The following TSPAN9 variants were observed in gnomAD, a reference collection of about 807,000 sequenced individuals.
The protein encoded by TSPAN9 is tetraspanin-9.
In TSPAN9, 16 loss-of-function variants were observed where a neutral mutation model predicts 31.0. That is an observed-to-expected ratio of 0.52 (90% CI 0.35 to 0.78). The LOEUF is 0.78. Among genes scored for constraint, TSPAN9 ranks in the 30% least tolerant of loss-of-function variants. The probability of loss-of-function intolerance (pLI) is 0.01; values close to 1 mark genes in which losing one functional copy is unlikely to be tolerated. For synonymous variants in TSPAN9, 145 were observed against 121.6 expected, an observed-to-expected ratio of 1.19 and a Z score of -1.27; for missense variants, 272 against 312.5, an observed-to-expected ratio of 0.87 and a Z score of 0.98.
chr12:3,260,586 G>A (rs947580279), intron 3 of TSPAN9, among the ~76,000 whole-genome samples: 20 of 152,230 alleles, frequency 1.3e-4, no homozygotes, highest in African/African-American at 4.8e-4. Flanking sequence ...TCTACGCGAG[G>A]CACCGTAGGA....
At chr12:3,278,859 T>G (rs1862844764) in intron 4 of TSPAN9, 133 bp from the exon 5 acceptor site, 1 of 1,020,556 alleles carries the variant, frequency 9.8e-7, no homozygotes. Flanking sequence ...TATCTGGGTT[T>G]CCTCAGGAGG....
chr12:3,110,760 G>A (rs1472721906), intron 2 of TSPAN9, among the ~76,000 whole-genome samples: 1 of 152,204 alleles, frequency 6.6e-6, no homozygotes, highest in African/African-American at 2.4e-5. Flanking sequence ...TGATGTGCCA[G>A]TCATTTACTG....
chr12:3,174,878 G>T (rs185359100), intron 2 of TSPAN9, among the ~76,000 whole-genome samples: 2 of 152,212 alleles, frequency 1.3e-5, no homozygotes, highest in African/African-American at 4.8e-5. Flanking sequence ...CACCGCACCC[G>T]GCCTCAGCTG....
At position 3,118,259 on chromosome 12, in the gene TSPAN9, T is replaced by TG. The variant is rs1260775334; in HGVS notation, c.-18+34540_-18+34541insG. The stretch of plus-strand genomic sequence containing the variant: ...CCGCACCGCCCCTGCACCCGCCGTT[T>TG]TTTTTTTTTTTTTTTTTTTTTGAGA... On this transcript the variant is annotated intron_variant, in intron 2 of 8. Coordinates refer to ENST00000011898, the MANE Select transcript of TSPAN9 (RefSeq NM_006675.5). 3.2e-4 allele frequency among the ~76,000 whole-genome samples: 19 copies of TG among 58,718 alleles called. 1 individual carries two copies. The highest frequency in any genetic ancestry group is 1.5e-3 in the African/African-American group (17 of 11,638). The allele number at this position is 58,718 out of a possible 152,430, so 38.5% of individuals were successfully genotyped here.
At chr12:3,086,274 G>T (rs1022037214) in intron 2 of TSPAN9, among the ~76,000 whole-genome samples, 17 of 152,092 alleles carry the variant, frequency 1.1e-4, no homozygotes, top group Admixed American at 9.2e-4. Context: ...GGCATCTGGA[G>T]TTGGGAGCAC....
At chr12:3,113,234 G>A (rs929986578) in intron 2 of TSPAN9, among the ~76,000 whole-genome samples, 7 of 152,100 alleles carry the variant, frequency 4.6e-5, no homozygotes, top group Non-Finnish European at 8.8e-5. Context: ...AAAGGCCTAG[G>A]GGCTGTAAAA....
intron 1 of TSPAN9, among the ~76,000 whole-genome samples, chr12:3,082,186 A>G (rs1309600201): frequency 6.6e-6 from 1 of 152,188 alleles, no homozygotes; most frequent in Non-Finnish European, 1.5e-5. Context: ...AGTCACCTTG[A>G]TTGAGGAGCA....
chr12:3,185,212 G>A (rs573265210), intron 2 of TSPAN9, among the ~76,000 whole-genome samples: 14 of 152,280 alleles, frequency 9.2e-5, no homozygotes, highest in African/African-American at 2.9e-4. Flanking sequence ...GAGACGGGGC[G>A]GGAGAAGGGA....
At chr12:3,185,779 T>TG (rs2098360963) in intron 2 of TSPAN9, among the ~76,000 whole-genome samples, 1 of 152,146 alleles carries the variant, frequency 6.6e-6, no homozygotes, top group Admixed American at 6.5e-5. Context: ...GAGAGTGTTT[T>TG]GGGGGGTTTC....
intron 2 of TSPAN9, among the ~76,000 whole-genome samples, chr12:3,141,221 C>T (rs1163970782): frequency 6.6e-6 from 1 of 152,242 alleles, no homozygotes; most frequent in Admixed American, 6.5e-5. Context: ...AACCTGTCCC[C>T]TTCAGACCTG....
At chr12:3,204,833 C>T (rs2098374112) in intron 3 of TSPAN9, among the ~76,000 whole-genome samples, 1 of 152,234 alleles carries the variant, frequency 6.6e-6, no homozygotes, top group African/African-American at 2.4e-5. Flanking sequence ...AGGGATTTCT[C>T]CTAGCAGTGA....
At chr12:3,210,788 A>G (rs911287183) in intron 3 of TSPAN9, among the ~76,000 whole-genome samples, 2 of 145,374 alleles carry the variant, frequency 1.4e-5, no homozygotes, top group African/African-American at 5.1e-5. Flanking sequence ...CCTGTCAGCC[A>G]GGCTGGAGTG....
chr12:3,088,511 G>A (rs566856605), intron 2 of TSPAN9, among the ~76,000 whole-genome samples: 2 of 152,330 alleles, frequency 1.3e-5, no homozygotes, highest in South Asian at 4.1e-4. Context: ...CGGCAGAGAG[G>A]GGAGGGGGCT....
intron 2 of TSPAN9, among the ~76,000 whole-genome samples, chr12:3,112,083 C>T (rs923206853): frequency 2.0e-5 from 3 of 150,574 alleles, no homozygotes; most frequent in Admixed American, 6.7e-5. Flanking sequence ...GGAATTTATC[C>T]GTTTCTTCTA....
At chr12:3,208,121 T>C (rs1275263081) in intron 3 of TSPAN9, among the ~76,000 whole-genome samples, 1 of 152,298 alleles carries the variant, frequency 6.6e-6, no homozygotes, top group East Asian at 1.9e-4. Context: ...TGGTTGTTAG[T>C]ATTACTGTCG....
chr12:3,229,645 G>A (rs1229984561), intron 3 of TSPAN9, among the ~76,000 whole-genome samples: 1 of 152,206 alleles, frequency 6.6e-6, no homozygotes, highest in Non-Finnish European at 1.5e-5. Flanking sequence ...AGGGCTGGCT[G>A]GGGGTAGAGG....
chr12:3,201,644 T>A (rs2098371899), intron 3 of TSPAN9, among the ~76,000 whole-genome samples: 1 of 152,126 alleles, frequency 6.6e-6, no homozygotes, highest in Non-Finnish European at 1.5e-5. Context: ...TAGGCACAAG[T>A]GAGGATGTAT....
chr12:3,184,427 G>GAA (rs1379305571), intron 2 of TSPAN9, among the ~76,000 whole-genome samples: 1 of 151,526 alleles, frequency 6.6e-6, no homozygotes, highest in Non-Finnish European at 1.5e-5. Context: ...AAGAGAAAGA[G>GAA]AGAGAGAGAA....
intron 2 of TSPAN9, among the ~76,000 whole-genome samples, chr12:3,174,415 C>T (rs1229885484): frequency 1.3e-5 from 2 of 152,058 alleles, no homozygotes; most frequent in Non-Finnish European, 2.9e-5. Flanking sequence ...TTCTAGATTT[C>T]CTTCCAATTC....
Sources: allele counts gnomAD v4.1 joint callset (sites outside exome capture counted in the v4.1 genomes callset), GRCh38; gene constraint gnomAD v4.1.1; transcripts MANE v1.5; gene names NCBI Gene and HGNC (gene_info 2026-07-23, HGNC 2026-07-21).